Variants in UBE2E2 observed in about 807,000 individuals in gnomAD.
UBE2E2 encodes the protein ubiquitin-conjugating enzyme E2 E2.
UBE2E2 carries 6 observed loss-of-function variants against 24.7 expected under a neutral mutation model. That is an observed-to-expected ratio of 0.24 (90% CI 0.13 to 0.48). The LOEUF is 0.48. Among genes scored for constraint, UBE2E2 ranks in the 20% least tolerant of loss-of-function variants. The probability of loss-of-function intolerance (pLI) is 0.99; values close to 1 mark genes in which losing one functional copy is unlikely to be tolerated. For missense variants in UBE2E2, 169 were observed against 245.0 expected (o/e 0.69, Z 2.07); for synonymous variants, 104 against 83.6 (o/e 1.24, Z -1.33).
intron 3 of UBE2E2, among the ~76,000 whole-genome samples, chr3:23,462,198 G>A (rs1575646096): frequency 6.6e-6 from 1 of 151,372 alleles, no homozygotes; most frequent in South Asian, 2.1e-4. Context: ...TACTTTATCT[G>A]CTGTTCTTAA....
chr3:23,546,114 C>G (rs555814898), intron 5 of UBE2E2, among the ~76,000 whole-genome samples: 3 of 152,270 alleles, frequency 2.0e-5, no homozygotes, highest in South Asian at 2.1e-4. Context: ...TACAGTTTAT[C>G]CATGTAACCA....
intron 3 of UBE2E2, among the ~76,000 whole-genome samples, chr3:23,367,969 T>C (rs1056497748): frequency 2.6e-5 from 4 of 152,190 alleles, no homozygotes; most frequent in African/African-American, 9.7e-5. Context: ...TGTTGTGGTG[T>C]GAGAGCAGAG....
rs191646178 is a variant in UBE2E2, at chr3:23,366,677, C to G, written c.228-132931C>G. ...TGCCTGTTGGGTACTATGCTTATTA[C>G]CTGGGTGACAAAATAATCTGTATAC... On this transcript the variant is annotated intron_variant, in intron 3 of 5. Transcript: ENST00000396703. Among the ~76,000 whole-genome samples the G allele has an allele frequency of 2.8e-3, 423 of 152,076 alleles. 2 individuals are homozygous for G. The highest frequency in any genetic ancestry group is 9.9e-3 in the African/African-American group (412 of 41,490).
At position 23,395,759 on chromosome 3, in the gene UBE2E2, G is replaced by A. The variant is rs778487; in HGVS notation, c.228-103849G>A. Among the ~76,000 whole-genome samples, 6 of 151,968 alleles carry A rather than the reference G, an allele frequency of 3.9e-5. No homozygotes were observed. In the East Asian group the frequency reaches 1.2e-3, roughly 29 times the overall value. ...AACTGCAAAACTAGGAAGGAGAATC[G>A]GGGTATAAGTGCTCTCTGTTCTGTC... On this transcript the variant is annotated intron_variant, in intron 3 of 5. Transcript: ENST00000396703.
intron 3 of UBE2E2, among the ~76,000 whole-genome samples, chr3:23,377,492 A>C (rs1468061787): frequency 1.3e-5 from 2 of 152,228 alleles, no homozygotes; most frequent in Non-Finnish European, 2.9e-5. Context: ...TTTGAAAGCC[A>C]GTGGCAGAGC....
At chr3:23,437,326 C>G (rs1271898319) in intron 3 of UBE2E2, among the ~76,000 whole-genome samples, 1 of 152,164 alleles carries the variant, frequency 6.6e-6, no homozygotes, top group Non-Finnish European at 1.5e-5. Context: ...TTTGACTTTT[C>G]CATGCATAGT....
At chr3:23,392,127 C>T (rs571163045) in intron 3 of UBE2E2, among the ~76,000 whole-genome samples, 2 of 152,150 alleles carry the variant, frequency 1.3e-5, no homozygotes, top group East Asian at 3.9e-4. Context: ...AGTGTATAGT[C>T]TTGAAAAAGT....
In UBE2E2 at chr3:23,284,188, T is replaced by G. The variant is rs1390815947; in HGVS notation, c.227+66876T>G. On this transcript the variant is annotated intron_variant, in intron 3 of 5. Coordinates refer to ENST00000396703, the MANE Select transcript of UBE2E2 (RefSeq NM_152653.4). ...CCTATAATCTATAATATTTCTATTC[T>G]AGATTAGCCATGTTGAGGGAAATAA... Among the ~76,000 whole-genome samples, 6 of 152,270 alleles carry G rather than the reference T, an allele frequency of 3.9e-5. No individual in the cohort carries two copies. In the East Asian group the frequency reaches 1.2e-3, roughly 29 times the overall value.
At chr3:23,451,452 G>T (rs537919610) in intron 3 of UBE2E2, among the ~76,000 whole-genome samples, 107 of 152,254 alleles carry the variant, frequency 7.0e-4, no homozygotes, top group African/African-American at 2.5e-3. Context: ...ATTTGAGCAG[G>T]GTTGCTGAGC....
rs1185858200 is a variant in UBE2E2 at position 23,257,467 on chromosome 3, T to TAAA, written c.227+40155_227+40156insAAA. ...AAGATGAAGCTCCATTGCTTTATCT[T>TAAA]GCTTAAGACGGGTTTAATAGGAATT... On this transcript the variant is annotated intron_variant, in intron 3 of 5. Transcript: ENST00000396703. 1.0e-4 allele frequency among the ~76,000 whole-genome samples: 15 copies of TAAA among 148,448 alleles called. No individual in the cohort carries two copies. The East Asian group carries it at 3.0e-3, about 30-fold the overall frequency.
At chr3:23,401,025 T>G (rs1341480944) in intron 3 of UBE2E2, among the ~76,000 whole-genome samples, 1 of 152,236 alleles carries the variant, frequency 6.6e-6, no homozygotes, top group East Asian at 1.9e-4. Flanking sequence ...AAAGAATGAC[T>G]GGTATGTTCC....
At chr3:23,387,376 C>T (rs990429542) in intron 3 of UBE2E2, among the ~76,000 whole-genome samples, 1 of 152,196 alleles carries the variant, frequency 6.6e-6, no homozygotes, top group African/African-American at 2.4e-5. Context: ...CTACTTTCAA[C>T]CTCTGCAAAT....
intron 3 of UBE2E2, among the ~76,000 whole-genome samples, chr3:23,458,248 G>C (rs958414041): frequency 6.6e-6 from 1 of 152,000 alleles, no homozygotes; most frequent in Admixed American, 6.6e-5. Flanking sequence ...GGCCCAAGGA[G>C]AAGGGGAGAG....
intron 5 of UBE2E2, among the ~76,000 whole-genome samples, chr3:23,551,118 T>C (rs1242147209): frequency 1.3e-5 from 2 of 152,206 alleles, no homozygotes; most frequent in African/African-American, 2.4e-5. Flanking sequence ...CAACATTCTT[T>C]ATGGAAATAC....
intron 3 of UBE2E2, among the ~76,000 whole-genome samples, chr3:23,485,794 A>G (rs1699356519): frequency 6.6e-6 from 1 of 152,200 alleles, no homozygotes; most frequent in Non-Finnish European, 1.5e-5. Flanking sequence ...GGGGAGAAGT[A>G]TGGGGGACAG....
intron 3 of UBE2E2, among the ~76,000 whole-genome samples, chr3:23,495,016 C>G (rs1224306705): frequency 6.6e-6 from 1 of 152,130 alleles, no homozygotes; most frequent in East Asian, 1.9e-4. Flanking sequence ...CTCAAATGAT[C>G]TGCCCGCCTC....
chr3:23,349,409 G>A (rs535679194), intron 3 of UBE2E2, among the ~76,000 whole-genome samples: 22 of 152,196 alleles, frequency 1.4e-4, no homozygotes, highest in South Asian at 4.1e-4. Flanking sequence ...CACACTGTGC[G>A]CGACCCGAAG....
At chr3:23,491,830 G>A (rs1408177520) in intron 3 of UBE2E2, among the ~76,000 whole-genome samples, 2 of 152,168 alleles carry the variant, frequency 1.3e-5, no homozygotes, top group Admixed American at 6.5e-5. Context: ...CTGGAGGCAG[G>A]GAAACCATGC....
chr3:23,371,798 T>A (rs758072198), intron 3 of UBE2E2, among the ~76,000 whole-genome samples: 30 of 152,178 alleles, frequency 2.0e-4, no homozygotes, highest in Non-Finnish European at 3.8e-4. Flanking sequence ...ATCTAAGTGC[T>A]GATTACATGG....
Sources: allele counts gnomAD v4.1 joint callset (sites outside exome capture counted in the v4.1 genomes callset), GRCh38; gene constraint gnomAD v4.1.1; transcripts MANE v1.5; gene names NCBI Gene and HGNC (gene_info 2026-07-23, HGNC 2026-07-21).